The following EDAR variants were observed in gnomAD, a reference collection of about 807,000 sequenced individuals.
EDAR encodes the protein ectodysplasin A receptor.
A neutral mutation model predicts 51.3 loss-of-function variants in EDAR; 38 were observed. That is an observed-to-expected ratio of 0.74 (90% CI 0.57 to 0.97). The LOEUF is 0.97. Among genes scored for constraint, EDAR ranks in the 50% least tolerant of loss-of-function variants. The probability of loss-of-function intolerance (pLI) is 0.00; values close to 1 mark genes in which losing one functional copy is unlikely to be tolerated. For missense variants in EDAR, 528 were observed against 595.0 expected, an observed-to-expected ratio of 0.89 and a Z score of 1.17; for synonymous variants, 227 against 242.1, an observed-to-expected ratio of 0.94 and a Z score of 0.58.
intron 1 of EDAR, among the ~76,000 whole-genome samples, chr2:108,950,698 C>A (rs1307357974): frequency 6.6e-6 from 1 of 152,212 alleles, no homozygotes; most frequent in Non-Finnish European, 1.5e-5. Context: ...ACATCCCTGC[C>A]CTTGCTCCCT....
intron 1 of EDAR, among the ~76,000 whole-genome samples, chr2:108,932,705 T>G (rs1255949136): frequency 6.6e-6 from 1 of 152,100 alleles, no homozygotes; most frequent in Non-Finnish European, 1.5e-5. Context: ...CTTAAGGGCT[T>G]CTTCACTGAG....
intron 9 of EDAR, among the ~76,000 whole-genome samples, chr2:108,908,802 G>T (rs943032521): frequency 3.9e-5 from 6 of 152,154 alleles, no homozygotes; most frequent in Non-Finnish European, 7.3e-5. Flanking sequence ...TTAAAAAAAG[G>T]ATTATATTTG....
chr2:108,964,849 A>G lies in EDAR; in HGVS notation c.-19+24111T>C, dbSNP rs561914987. 7.2e-5 allele frequency among the ~76,000 whole-genome samples: 11 copies of G among 152,340 alleles called. No homozygotes were observed. The South Asian group carries it at 2.3e-3, about 32-fold the overall frequency. On this transcript the variant is annotated intron_variant, in intron 1 of 11. Coordinates refer to ENST00000258443, the MANE Select transcript of EDAR (RefSeq NM_022336.4). ...AGCCACAGACCCCAAATGTTTGGAA[A>G]TAATTCCACAAACTGTGTAGCATGA... is the stretch of plus-strand genomic sequence containing the variant.
chr2:108,963,775 C>A (rs1169804115), intron 1 of EDAR, among the ~76,000 whole-genome samples: 1 of 152,216 alleles, frequency 6.6e-6, no homozygotes, highest in Non-Finnish European at 1.5e-5. Flanking sequence ...GGCCTGCAAC[C>A]TGCAAAGAGG....
intron 1 of EDAR, among the ~76,000 whole-genome samples, chr2:108,971,805 G>A (rs974887776): frequency 6.6e-6 from 1 of 152,196 alleles, no homozygotes; most frequent in Non-Finnish European, 1.5e-5. Context: ...TCCTCTCCCT[G>A]TGTGAACGGG....
chr2:108,910,839 TG>T lies in EDAR; in HGVS notation c.666del (p.Ser223AlafsTer11). Reference protein sequence around the residue: ...KTKPSAPACCTSHPGKSVEAQ... With the variant: ...KTKPSAPACCXSHPGKSVEAQ... ...GCCTCCACGCTCTTCCCCGGGTGGC[TG>T]GTGCAACAGGCTGGGGAGAGAGGAG... is the stretch of plus-strand genomic sequence containing the variant. On this transcript the variant is annotated frameshift_variant, in exon 8 of 12. Transcript: ENST00000258443. LOFTEE classifies it high-confidence loss of function. The T allele has an allele frequency of 6.2e-7, 1 of 1,614,056 alleles. No individual in the cohort carries two copies. Among genetic ancestry groups the T allele is most frequent in the South Asian group, 1.1e-5 (1 of 91,068 alleles).
chr2:108,940,850 C>A lies in EDAR; in HGVS notation c.-18-9818G>T, dbSNP rs111394251. On this transcript the variant is annotated intron_variant, in intron 1 of 11. Coordinates refer to ENST00000258443, the MANE Select transcript of EDAR (RefSeq NM_022336.4). The stretch of plus-strand genomic sequence containing the variant: ...CACAGATTTTTGTATTCTTATTGCT[C>A]AGATGATAGTTTTAAAACTAATCAC... Among the ~76,000 whole-genome samples, 201 of 152,308 alleles carry A rather than the reference C, an allele frequency of 1.3e-3. 1 individual carries two copies. The highest frequency in any genetic ancestry group is 4.5e-3 in the African/African-American group (189 of 41,564).
intron 11 of EDAR, among the ~76,000 whole-genome samples, chr2:108,904,905 T>G (rs1393399219): frequency 6.6e-6 from 1 of 152,224 alleles, no homozygotes; most frequent in African/African-American, 2.4e-5. Context: ...TCAATATCAG[T>G]GTCCTGGTTG....
At chr2:108,982,071 A>G (rs260673) in intron 1 of EDAR, among the ~76,000 whole-genome samples, 117,427 of 152,162 alleles carry the variant, frequency 0.77, 46,867 homozygotes, top group South Asian at 0.87. Context: ...TAACAGCACC[A>G]TGCAATTTGG....
chr2:108,934,779 C>T (rs1418203575), intron 1 of EDAR, among the ~76,000 whole-genome samples: 1 of 152,228 alleles, frequency 6.6e-6, no homozygotes, highest in Non-Finnish European at 1.5e-5. Flanking sequence ...CAGAGCCTCA[C>T]GACCTCATCA....
At chr2:108,952,310 T>C (rs1697841064) in intron 1 of EDAR, among the ~76,000 whole-genome samples, 1 of 152,182 alleles carries the variant, frequency 6.6e-6, no homozygotes, top group African/African-American at 2.4e-5. Context: ...AGAAGGTAGT[T>C]TGGTGACTAA....
intron 2 of EDAR, 83 bp from the exon 3 acceptor site, chr2:108,930,325 G>C: frequency 6.3e-7 from 1 of 1,584,684 alleles, no homozygotes; most frequent in Non-Finnish European, 8.7e-7. Context: ...GTTGACATAG[G>C]AAGGGGGTGC....
At position 108,895,766 on chromosome 2, in the gene EDAR, G is replaced by C. The variant is rs991115756; in HGVS notation, c.*1141C>G. The C allele has an allele frequency of 6.6e-6, 1 of 152,220 alleles. No homozygotes were observed. The highest frequency in any genetic ancestry group is 2.4e-5 in the African/African-American group (1 of 41,452). 9.4% of individuals were successfully genotyped at this position (152,220 alleles called of 1,614,324 possible). A position where few individuals can be genotyped will look rare whatever the true frequency, so the allele number is the denominator to read the frequency against. On this transcript the variant is annotated 3_prime_UTR_variant, in exon 12 of 12. Transcript: ENST00000258443. ...CCCAAGGTGGCACAACTAGAAGCCA[G>C]CTCCCTCGACATCAAGCCCAGGCTC...
chr2:108,919,711 G>C (rs1290166183), intron 5 of EDAR, among the ~76,000 whole-genome samples: 1 of 152,178 alleles, frequency 6.6e-6, no homozygotes, highest in Non-Finnish European at 1.5e-5. Flanking sequence ...AGGCTCTGGG[G>C]TGCCTTCTCG....
In EDAR at chr2:108,910,898, G is replaced by A. The variant is rs747761003; in HGVS notation, c.656-48C>T. Reference sequence around the variant, plus strand: ...GCAGCCAGGCTCTCCGACAGGGGGAGTTGACGGAGAGTCCAGGAAGCAGGG... The same window carrying A: ...GCAGCCAGGCTCTCCGACAGGGGGAATTGACGGAGAGTCCAGGAAGCAGGG... On this transcript the variant is annotated intron_variant, in intron 7 of 11. Coordinates refer to ENST00000258443, the MANE Select transcript of EDAR (RefSeq NM_022336.4). 35 of 1,613,980 alleles carry A rather than the reference G, an allele frequency of 2.2e-5. No individual in the cohort carries two copies. In the Middle Eastern group the frequency reaches 1.5e-3, roughly 69 times the overall value.
At chr2:108,912,272 ATGTACATTCTGCAAGTT>A (rs1225317678) in intron 6 of EDAR, among the ~76,000 whole-genome samples, 3 of 152,200 alleles carry the variant, frequency 2.0e-5, no homozygotes, top group Admixed American at 6.5e-5. Flanking sequence ...GGAGAATGAA[ATGTACATTCTGCAAGTT>A]AATATTAAAG....
intron 1 of EDAR, among the ~76,000 whole-genome samples, 197 bp from the exon 2 acceptor site, chr2:108,931,229 C>T (rs1697361149): frequency 6.6e-6 from 1 of 152,248 alleles, no homozygotes; most frequent in African/African-American, 2.4e-5. Flanking sequence ...TTCCCAGCCT[C>T]GCAGCCATGC....
intron 1 of EDAR, among the ~76,000 whole-genome samples, chr2:108,985,402 G>A (rs560853667): frequency 2.0e-5 from 3 of 152,368 alleles, no homozygotes; most frequent in Admixed American, 6.5e-5. Context: ...AGTGAGTTAA[G>A]CTGGCATGAG....
chr2:108,948,946 C>T (rs1697769570), intron 1 of EDAR, among the ~76,000 whole-genome samples: 1 of 152,074 alleles, frequency 6.6e-6, no homozygotes. Flanking sequence ...AGTGAGACCC[C>T]CATCACTAAA....
Sources: gnomAD v4.1 joint callset for allele counts (sites outside exome capture counted in the v4.1 genomes callset) on GRCh38, gnomAD v4.1.1 for gene constraint, MANE v1.5 for transcripts, NCBI Gene and HGNC (gene_info 2026-07-23, HGNC 2026-07-21) for gene names.